Variants in MXI1 observed in about 807,000 individuals in gnomAD.
The protein encoded by MXI1 is MAX interactor 1, dimerization protein.
In MXI1, 18 loss-of-function variants were observed where a neutral mutation model predicts 36.9. That is an observed-to-expected ratio of 0.49 (90% CI 0.34 to 0.72). The LOEUF is 0.72. Ranked by LOEUF, MXI1 falls within the 30% of genes least tolerant of loss-of-function variation. The pLI, the probability that MXI1 is intolerant of heterozygous loss-of-function variation, is 0.01. For synonymous variants in MXI1, 160 were observed against 146.7 expected (o/e 1.09, Z -0.65); for missense variants, 304 against 379.1 (o/e 0.80, Z 1.64).
At chr10:110,208,107 C>A in intron 1 of MXI1, 25 bp downstream of exon 1, 1 of 1,564,644 alleles carries the variant, frequency 6.4e-7, no homozygotes. Context: ...CCCTGCTCTT[C>A]CTCGGCGCCC....
At chr10:110,222,661 A>C (rs76608216) in intron 1 of MXI1, among the ~76,000 whole-genome samples, 8,001 of 152,264 alleles carry the variant, frequency 0.053, 321 homozygotes, top group Middle Eastern at 0.15. Context: ...AACAGAGACT[A>C]TGGGTAGGAT....
At chr10:110,235,863 C>T (rs913469607) in intron 2 of MXI1, among the ~76,000 whole-genome samples, 3 of 152,024 alleles carry the variant, frequency 2.0e-5, no homozygotes, top group African/African-American at 4.8e-5. Context: ...AAAAATTAGC[C>T]AGGCATGGTG....
intron 3 of MXI1, among the ~76,000 whole-genome samples, chr10:110,265,289 T>C (rs1856646987): frequency 1.3e-5 from 2 of 152,240 alleles, no homozygotes; most frequent in South Asian, 4.1e-4. Flanking sequence ...CTTTGCACTT[T>C]AGATGACATA....
In MXI1 at chr10:110,225,275, G is replaced by C. The variant is rs983973391; in HGVS notation, c.275-2914G>C. ...AGAGTTCACACAGGTCTCAGTGTAA[G>C]TAGCAGAGTCAGGATTTGAACCAAA... On this transcript the variant is annotated intron_variant, in intron 1 of 5. Coordinates refer to ENST00000332674, the MANE Select transcript of MXI1 (RefSeq NM_130439.3). Among the ~76,000 whole-genome samples the C allele has an allele frequency of 2.6e-5, 4 of 152,188 alleles. No individual in the cohort carries two copies. The East Asian group carries it at 5.8e-4, about 22-fold the overall frequency.
intron 2 of MXI1, among the ~76,000 whole-genome samples, chr10:110,237,826 AGT>A (rs1855525808): frequency 6.6e-6 from 1 of 152,232 alleles, no homozygotes; most frequent in African/African-American, 2.4e-5. Flanking sequence ...CCCGGAGTAG[AGT>A]GCAGTGGTGA....
At chr10:110,280,273 GA>G (rs1016095347) in intron 5 of MXI1, among the ~76,000 whole-genome samples, 188 bp downstream of exon 5, 15 of 150,576 alleles carry the variant, frequency 1.0e-4, no homozygotes, top group South Asian at 6.2e-4. Context: ...TTTTTTCCTT[GA>G]AAAAAAATAT....
chr10:110,258,474 G>A (rs921560868), intron 3 of MXI1, among the ~76,000 whole-genome samples: 1 of 151,900 alleles, frequency 6.6e-6, no homozygotes, highest in African/African-American at 2.4e-5. Context: ...CTTAGGAACC[G>A]GATAAATATG....
intron 3 of MXI1, among the ~76,000 whole-genome samples, chr10:110,253,682 G>T (rs1040292070): frequency 1.3e-5 from 2 of 151,956 alleles, no homozygotes; most frequent in African/African-American, 4.8e-5. Context: ...TTTATTCTAG[G>T]TTTGAAATTA....
At chr10:110,280,451 C>A (rs1327839736) in intron 5 of MXI1, among the ~76,000 whole-genome samples, 1 of 151,804 alleles carries the variant, frequency 6.6e-6, no homozygotes, top group Admixed American at 6.6e-5. Context: ...GAGGCCAAGG[C>A]GGGCAGATCA....
At chr10:110,210,102 C>G (rs1480151431) in intron 1 of MXI1, 7 of 215,822 alleles carry the variant, frequency 3.2e-5, no homozygotes, top group African/African-American at 1.7e-4. Flanking sequence ...GCCGGGGCTC[C>G]GGCGTGGCCA....
intron 3 of MXI1, among the ~76,000 whole-genome samples, chr10:110,250,088 G>A (rs769991608): frequency 6.6e-6 from 1 of 152,126 alleles, no homozygotes; most frequent in Non-Finnish European, 1.5e-5. Flanking sequence ...ATTACCCCAG[G>A]ATTCCCATAG....
At chr10:110,256,602 C>CAAAAAA (rs58267076) in intron 3 of MXI1, among the ~76,000 whole-genome samples, 10 of 48,848 alleles carry the variant, frequency 2.0e-4, no homozygotes, top group Non-Finnish European at 2.7e-4. Flanking sequence ...GACTCTGTCT[C>CAAAAAA]AAAAAAAAAA....
intron 3 of MXI1, among the ~76,000 whole-genome samples, chr10:110,267,797 C>G (rs888047239): frequency 6.6e-6 from 1 of 152,074 alleles, no homozygotes; most frequent in Non-Finnish European, 1.5e-5. Context: ...TATATTGGGT[C>G]AGATGAATGA....
chr10:110,238,386 A>G (rs950966665), intron 2 of MXI1, among the ~76,000 whole-genome samples: 3 of 152,144 alleles, frequency 2.0e-5, no homozygotes, highest in African/African-American at 7.2e-5. Context: ...ATTACTCAGA[A>G]AATTTCAAGG....
chr10:110,226,478 G>A (rs1428673020), intron 1 of MXI1: 1 of 144,696 alleles, frequency 6.9e-6, no homozygotes, highest in African/African-American at 1.4e-4. Flanking sequence ...GGAGGGGAGC[G>A]CGCGTGAGGG....
At position 110,246,636 on chromosome 10, in the gene MXI1, A is replaced by C. The variant is rs1037485930; in HGVS notation, c.437+1779A>C. Among the ~76,000 whole-genome samples the C allele has an allele frequency of 2.0e-5, 3 of 152,294 alleles. No individual in the cohort carries two copies. In the South Asian group the frequency reaches 6.2e-4, roughly 32 times the overall value. On this transcript the variant is annotated intron_variant, in intron 3 of 5. Coordinates refer to ENST00000332674, the MANE Select transcript of MXI1 (RefSeq NM_130439.3). Reference sequence around the variant, plus strand: ...AAATGACTATGCCCCAAATGCAAAGATACTGTTTTGTTCAATTTTGTATCC... The same window carrying C: ...AAATGACTATGCCCCAAATGCAAAGCTACTGTTTTGTTCAATTTTGTATCC...
chr10:110,263,542 G>A (rs1262876221), intron 3 of MXI1, among the ~76,000 whole-genome samples: 1 of 152,186 alleles, frequency 6.6e-6, no homozygotes, highest in African/African-American at 2.4e-5. Context: ...GTGACTTCAA[G>A]TTTACTATAA....
chr10:110,268,946 A>G (rs1171154861), intron 3 of MXI1, among the ~76,000 whole-genome samples: 1 of 152,210 alleles, frequency 6.6e-6, no homozygotes, highest in Non-Finnish European at 1.5e-5. Context: ...TATTAACAAC[A>G]ACAACAACAC....
At chr10:110,240,187 C>T (rs1855620426) in intron 2 of MXI1, among the ~76,000 whole-genome samples, 1 of 151,924 alleles carries the variant, frequency 6.6e-6, no homozygotes, top group Non-Finnish European at 1.5e-5. Context: ...TGAATGCTTC[C>T]AGTTTGGGGC....
Sources: gnomAD v4.1 joint callset for allele counts (sites outside exome capture counted in the v4.1 genomes callset) on GRCh38, gnomAD v4.1.1 for gene constraint, MANE v1.5 for transcripts, NCBI Gene and HGNC (gene_info 2026-07-23, HGNC 2026-07-21) for gene names.